PRDM4: variants seen among roughly 807,000 people sequenced by gnomAD.
The protein encoded by PRDM4 is PR domain zinc finger protein 4.
PRDM4 carries 38 observed loss-of-function variants against 62.3 expected under a neutral mutation model. That is an observed-to-expected ratio of 0.61 (90% CI 0.47 to 0.80). The LOEUF is 0.80. PRDM4 is among the 30% of genes least tolerant of loss of function. The probability of loss-of-function intolerance (pLI) is 0.00; values close to 1 mark genes in which losing one functional copy is unlikely to be tolerated. For synonymous variants in PRDM4, 339 were observed against 348.2 expected, an observed-to-expected ratio of 0.97 and a Z score of 0.30; for missense variants, 858 against 997.1, an observed-to-expected ratio of 0.86 and a Z score of 1.88.
chr12:107,760,461 T>C lies in PRDM4; in HGVS notation c.11+44A>G, dbSNP rs199927482. 1.9e-6 allele frequency: 3 copies of C among 1,609,940 alleles called. No homozygotes were observed. In the South Asian group the frequency reaches 3.3e-5, roughly 18 times the overall value. On this transcript the variant is annotated intron_variant, in intron 2 of 11. Transcript: ENST00000228437. Reference sequence around the variant, plus strand: ...GACCCTGGACACTCACTCGCCAGAGTTTCCAACGATGTCACCAGTGCTGAA... The same window carrying C: ...GACCCTGGACACTCACTCGCCAGAGCTTCCAACGATGTCACCAGTGCTGAA...
chr12:107,745,036 G>T (rs557612748), intron 6 of PRDM4, among the ~76,000 whole-genome samples: 1 of 152,114 alleles, frequency 6.6e-6, no homozygotes, highest in African/African-American at 2.4e-5. Context: ...CTCCAGCCTG[G>T]GTGACAAAGC....
At position 107,733,020 on chromosome 12, in the gene PRDM4, T is replaced by C. The variant is rs1010614700; in HGVS notation, c.*1190A>G. The C allele has an allele frequency of 1.3e-5, 2 of 152,780 alleles. No individual in the cohort carries two copies. The highest frequency in any genetic ancestry group is 2.1e-4 in the South Asian group (1 of 4,818). 9.5% of individuals were successfully genotyped at this position (152,780 alleles called of 1,614,324 possible). A position where few individuals can be genotyped will look rare whatever the true frequency, so the allele number is the denominator to read the frequency against. On this transcript the variant is annotated 3_prime_UTR_variant, in exon 12 of 12. Coordinates refer to ENST00000228437, the MANE Select transcript of PRDM4 (RefSeq NM_012406.4). ...TTGTGCCTTGAGCAGGAGAGCATGT[T>C]CCATCAATCCTGTCAACTTAAGGGT...
intron 2 of PRDM4, chr12:107,758,488 C>T (rs539307679): frequency 6.6e-6 from 1 of 152,098 alleles, no homozygotes; most frequent in South Asian, 2.1e-4. Context: ...TTCTTAATCC[C>T]ACTTTAAAGA....
intron 8 of PRDM4, among the ~76,000 whole-genome samples, chr12:107,742,762 CCTTT>C (rs762026351): frequency 1.5e-4 from 19 of 123,726 alleles, no homozygotes; most frequent in South Asian, 2.9e-4. Flanking sequence ...TTGGTAAGTG[CCTTT>C]TTTTTTTTTT....
At chr12:107,758,297 C>G (rs1473570945) in intron 2 of PRDM4, 1 of 127,764 alleles carries the variant, frequency 7.8e-6, no homozygotes, top group Non-Finnish European at 1.5e-5. Context: ...TAGCTGCAAG[C>G]TGGAGTGCAG....
At chr12:107,752,757 A>G (rs1157584270) in intron 4 of PRDM4, among the ~76,000 whole-genome samples, 2 of 152,184 alleles carry the variant, frequency 1.3e-5, no homozygotes, top group Admixed American at 6.5e-5. Context: ...TTCTTTGTGA[A>G]GCATATATAT....
rs1891219108 is a variant in PRDM4, at chr12:107,760,759, G to C, written c.-244C>G. 1.9e-6 allele frequency: 1 copy of C among 531,916 alleles called. No individual in the cohort carries two copies. Among genetic ancestry groups the C allele is most frequent in the East Asian group, 3.3e-5 (1 of 30,236 alleles). 32.9% of individuals were successfully genotyped at this position (531,916 alleles called of 1,614,324 possible). ...CCTTCCGTCCAGAAGCTTCGGGAAGGGGGCTGCCCAACCTGGGGGAGTGGG... is the reference window on the plus strand; with the variant it reads ...CCTTCCGTCCAGAAGCTTCGGGAAGCGGGCTGCCCAACCTGGGGGAGTGGG... On this transcript the variant is annotated 5_prime_UTR_variant, in exon 2 of 12. Coordinates refer to ENST00000228437, the MANE Select transcript of PRDM4 (RefSeq NM_012406.4).
chr12:107,745,146 A>G (rs1890654381), intron 6 of PRDM4, among the ~76,000 whole-genome samples: 2 of 152,246 alleles, frequency 1.3e-5, no homozygotes, highest in Non-Finnish European at 2.9e-5. Context: ...GTAAATATAT[A>G]AAATGTAATG....
At chr12:107,746,141 T>G in intron 6 of PRDM4, 134 bp downstream of exon 6, 1 of 1,096,356 alleles carries the variant, frequency 9.1e-7, no homozygotes. Context: ...TAATATTCCA[T>G]AAAAGCATAA....
At chr12:107,738,265 A>G (rs188795802) in intron 11 of PRDM4, 2 of 152,298 alleles carry the variant, frequency 1.3e-5, no homozygotes, top group East Asian at 3.9e-4. Flanking sequence ...ATTTGATGTA[A>G]TATTTGATAA....
intron 3 of PRDM4, 86 bp downstream of exon 3, chr12:107,756,746 A>C: frequency 6.7e-7 from 1 of 1,495,504 alleles, no homozygotes. Flanking sequence ...TCTACCCTTA[A>C]AGGGGCTCTG....
intron 4 of PRDM4, 90 bp downstream of exon 4, chr12:107,753,834 G>T: frequency 8.0e-7 from 1 of 1,256,480 alleles, no homozygotes; most frequent in Non-Finnish European, 1.1e-6. Flanking sequence ...GTGACAAACA[G>T]AAAAAAGTGT....
Position 107,733,975 on chromosome 12 carries a change from C to T in PRDM4, c.*235G>A. 2 of 452,504 alleles carry T rather than the reference C, an allele frequency of 4.4e-6. No individual in the cohort carries two copies. Among genetic ancestry groups the T allele is most frequent in the South Asian group, 4.5e-5 (1 of 22,082 alleles). The allele number at this position is 452,504 out of a possible 1,614,324, so 28.0% of individuals were successfully genotyped here. On this transcript the variant is annotated 3_prime_UTR_variant, in exon 12 of 12. Coordinates refer to ENST00000228437, the MANE Select transcript of PRDM4 (RefSeq NM_012406.4). Reference sequence around the variant, plus strand: ...TAAATAAAGACCTCAGAAGTTGACACTTCCCTCCCAGTCCACCACTTAAAA... The same window carrying T: ...TAAATAAAGACCTCAGAAGTTGACATTTCCCTCCCAGTCCACCACTTAAAA...
chr12:107,746,229 A>G, intron 6 of PRDM4, 46 bp downstream of exon 6: 2 of 1,597,828 alleles, frequency 1.3e-6, no homozygotes, highest in Non-Finnish European at 1.7e-6. Flanking sequence ...CTACGCTACA[A>G]AGGAAGAAGA....
chr12:107,746,172 T>A, intron 6 of PRDM4, 103 bp downstream of exon 6: 1 of 1,401,286 alleles, frequency 7.1e-7, no homozygotes, highest in African/African-American at 1.4e-5. Flanking sequence ...ATAAATTGAC[T>A]TTTGGTCCAA....
Position 107,751,690 on chromosome 12 carries a change from G to A in PRDM4, c.851C>T (p.Ala284Val), listed in dbSNP as rs140854198. The change falls in exon 5 of 12, where the codon GCC becomes GTC. Residue 284 changes from alanine (A) to valine (V), a missense_variant. Transcript: ENST00000228437. Reference protein sequence around the residue: ...ASRVNGMSDSALSDSIHTVAM... With the variant: ...ASRVNGMSDSVLSDSIHTVAM... ...CACAGTGTGAATGGAGTCACTGAGG[G>A]CACTGTCAGACATGCCATTGACCCG... 3 of 1,614,030 alleles carry A rather than the reference G, an allele frequency of 1.9e-6. No individual in the cohort carries two copies. The highest frequency in any genetic ancestry group is 2.7e-5 in the African/African-American group (2 of 74,896).
chr12:107,749,698 G>A (rs1213523534), intron 5 of PRDM4, among the ~76,000 whole-genome samples: 1 of 152,088 alleles, frequency 6.6e-6, no homozygotes, highest in Non-Finnish European at 1.5e-5. Context: ...CTAGATTGGT[G>A]AGAATCATCA....
intron 2 of PRDM4, among the ~76,000 whole-genome samples, chr12:107,758,955 A>G (rs775799395): frequency 6.6e-6 from 1 of 152,248 alleles, no homozygotes; most frequent in African/African-American, 2.4e-5. Flanking sequence ...CAGCATGCTA[A>G]TAACAGTTTT....
intron 10 of PRDM4, among the ~76,000 whole-genome samples, chr12:107,740,065 G>C (rs1296836486): frequency 1.3e-5 from 2 of 152,150 alleles, no homozygotes; most frequent in East Asian, 3.9e-4. Flanking sequence ...AGGATAGATA[G>C]AATTTTAGGC....
Sources: gnomAD v4.1 joint callset for allele counts (sites outside exome capture counted in the v4.1 genomes callset) on GRCh38, gnomAD v4.1.1 for gene constraint, MANE v1.5 for transcripts, NCBI Gene and HGNC (gene_info 2026-07-23, HGNC 2026-07-21) for gene names.